Variants in NSD2 observed in about 807,000 individuals in gnomAD.
NSD2 encodes the protein nuclear receptor binding SET domain protein 2.
NSD2 carries 12 observed loss-of-function variants against 139.0 expected under a neutral mutation model. The observed-to-expected ratio is 0.09, with a 90% confidence interval of 0.06 to 0.14. NSD2 has a LOEUF of 0.14. Ranked by LOEUF, NSD2 falls within the 10% of genes least tolerant of loss-of-function variation. NSD2 has a pLI of 1.00. For synonymous variants in NSD2, 669 were observed against 648.7 expected, an observed-to-expected ratio of 1.03 and a Z score of -0.48; for missense variants, 1,155 against 1,745.0, an observed-to-expected ratio of 0.66 and a Z score of 6.02.
chr4:1,926,135 G>A (rs1181905622), intron 5 of NSD2, among the ~76,000 whole-genome samples: 1 of 150,368 alleles, frequency 6.7e-6, no homozygotes, highest in Non-Finnish European at 1.5e-5. Context: ...TCACTAGCAG[G>A]CTTTTTGGGC....
chr4:1,872,584 G>GTA (rs1713888592), intron 1 of NSD2, among the ~76,000 whole-genome samples: 1 of 90,962 alleles, frequency 1.1e-5, no homozygotes, highest in Non-Finnish European at 2.3e-5. Context: ...GTGTGTGTGT[G>GTA]TGTGTGTGAG....
chr4:1,946,679 T>C (rs1229440106), intron 9 of NSD2: 1 of 1,038,940 alleles, frequency 9.6e-7, no homozygotes, highest in African/African-American at 1.7e-5. Context: ...ATGTAGAATG[T>C]TAGAAATTAC....
intron 9 of NSD2, chr4:1,945,681 A>G: frequency 6.6e-6 from 7 of 1,063,438 alleles, no homozygotes; most frequent in Non-Finnish European, 8.0e-6. Context: ...AATGAGGGAA[A>G]AGTCCTTGGC....
At chr4:1,908,839 G>A (rs1399992694) in intron 3 of NSD2, among the ~76,000 whole-genome samples, 1 of 152,052 alleles carries the variant, frequency 6.6e-6, no homozygotes, top group Admixed American at 6.6e-5. Context: ...GAGTACAGTG[G>A]CACAATCATA....
chr4:1,872,768 A>G (rs965908333), intron 1 of NSD2, among the ~76,000 whole-genome samples: 1 of 152,168 alleles, frequency 6.6e-6, no homozygotes, highest in Non-Finnish European at 1.5e-5. Context: ...CGCCAGCATC[A>G]CGCATGGGTT....
Position 1,956,154 on chromosome 4 carries a change from G to C in NSD2, c.2847G>C (p.Gln949His). The change falls in exon 15 of 22, where the codon CAG (glutamine) becomes CAC (histidine). Residue 949 changes from glutamine (Q) to histidine (H), a missense_variant. Around this residue, in one of 8 missense-constraint regions of NSD2, gnomAD observed 139 missense variants for 485.8 expected, o/e 0.29. Coordinates refer to ENST00000508803, the MANE Select transcript of NSD2 (RefSeq NM_001042424.3). This position sits in a 1 kb window ranked among gnomAD's most constrained non-coding sequence, Gnocchi z 5.3. The part of the protein sequence containing the change: ...YMEGDRGSRY[Q>H]GVRGIGRVFK... The stretch of plus-strand genomic sequence containing the variant: ...AGGGGGACCGGGGCAGCCGCTACCA[G>C]GGGGTCAGAGGGATCGGAAGAGTCT... 1 of 1,613,316 alleles carries C rather than the reference G, an allele frequency of 6.2e-7. No individual in the cohort carries two copies. Among genetic ancestry groups the C allele is most frequent in the East Asian group, 2.2e-5 (1 of 44,872 alleles).
At chr4:1,881,161 G>A (rs1027203291) in intron 1 of NSD2, among the ~76,000 whole-genome samples, 1 of 152,008 alleles carries the variant, frequency 6.6e-6, no homozygotes, top group African/African-American at 2.4e-5. Context: ...TTTGAGATAG[G>A]GTCCCTCCCG....
Position 1,896,771 on chromosome 4 carries a change from CT to C in NSD2, c.-29-3847del, listed in dbSNP as rs373798315. ...CTTTCTTTCTTTCCTTCTTTCTTCTCTTTTTTTTCTTTTCTTTTCTTTCTTT... is the reference window on the plus strand; with the variant it reads ...CTTTCTTTCTTTCCTTCTTTCTTCTCTTTTTTTCTTTTCTTTTCTTTCTTT... On this transcript the variant is annotated intron_variant, in intron 1 of 21. Coordinates refer to ENST00000508803, the MANE Select transcript of NSD2 (RefSeq NM_001042424.3). Among the ~76,000 whole-genome samples the C allele has an allele frequency of 5.6e-4, 84 of 149,718 alleles. No homozygotes were observed. The East Asian group carries it at 5.7e-3, about 10-fold the overall frequency.
At position 1,958,582 on chromosome 4, in the gene NSD2, G is replaced by A. The variant is rs768024193; in HGVS notation, c.2985+546G>A. On this transcript the variant is annotated intron_variant, in intron 16 of 21. Coordinates refer to ENST00000508803, the MANE Select transcript of NSD2 (RefSeq NM_001042424.3). This position sits in a 1 kb window ranked among gnomAD's most constrained non-coding sequence, Gnocchi z 4.6. ...GCGCTCAGAGCTGGTGCGGCAAGCC[G>A]CATCCCCAGGAGCCTCGTGGCCGTT... Among the ~76,000 whole-genome samples the A allele has an allele frequency of 3.3e-5, 5 of 152,258 alleles. No individual in the cohort carries two copies. Among genetic ancestry groups the A allele is most frequent in the African/African-American group, 9.6e-5 (4 of 41,468 alleles).
At position 1,958,582 on chromosome 4, in the gene NSD2, G is replaced by C. The variant is rs768024193; in HGVS notation, c.2985+546G>C. On this transcript the variant is annotated intron_variant, in intron 16 of 21. Transcript: ENST00000508803. This position sits in a 1 kb window ranked among gnomAD's most constrained non-coding sequence, Gnocchi z 4.6. ...GCGCTCAGAGCTGGTGCGGCAAGCCGCATCCCCAGGAGCCTCGTGGCCGTT... is the reference window on the plus strand; with the variant it reads ...GCGCTCAGAGCTGGTGCGGCAAGCCCCATCCCCAGGAGCCTCGTGGCCGTT... Among the ~76,000 whole-genome samples, 2 of 152,258 alleles carry C rather than the reference G, an allele frequency of 1.3e-5. No individual in the cohort carries two copies. The highest frequency in any genetic ancestry group is 2.4e-5 in the African/African-American group (1 of 41,468).
In NSD2 at chr4:1,950,213, A is replaced by G. The variant is rs1249594901; in HGVS notation, c.1882-859A>G. Reference sequence around the variant, plus strand: ...ATGTTGCTTGTCAGGTGAGGGTGAAATGCTGTGTATGTGAGGGTGAGGCTG... The same window carrying G: ...ATGTTGCTTGTCAGGTGAGGGTGAAGTGCTGTGTATGTGAGGGTGAGGCTG... On this transcript the variant is annotated intron_variant, in intron 9 of 21. Transcript: ENST00000508803. Among the ~76,000 whole-genome samples, 5 of 152,152 alleles carry G rather than the reference A, an allele frequency of 3.3e-5. No homozygotes were observed. The East Asian group carries it at 7.7e-4, about 23-fold the overall frequency.
At chr4:1,928,560 T>A (rs1403340759) in intron 5 of NSD2, among the ~76,000 whole-genome samples, 1 of 152,192 alleles carries the variant, frequency 6.6e-6, no homozygotes, top group East Asian at 1.9e-4. Context: ...ATGATGACAC[T>A]TTCCTGGCTT....
Position 1,955,462 on chromosome 4 carries a change from C to T in NSD2, c.2518+122C>T. 3.0e-6 allele frequency: 4 copies of T among 1,326,638 alleles called. No homozygotes were observed. In the South Asian group the frequency reaches 4.5e-5, roughly 15 times the overall value. The allele number at this position is 1,326,638 out of a possible 1,614,324, so 82.2% of individuals were successfully genotyped here. On this transcript the variant is annotated intron_variant, in intron 13 of 21. Transcript: ENST00000508803. The surrounding 1 kb of genome is among the most constrained non-coding windows in gnomAD (Gnocchi z 4.7). ...ATGTTGACAGTGTTCTGTGCGTCTT[C>T]ACGTTAATAGTATATCACAGTAGCT...
At chr4:1,893,475 AAAATAAAT>A (rs1175310705) in intron 1 of NSD2, among the ~76,000 whole-genome samples, 5 of 152,240 alleles carry the variant, frequency 3.3e-5, no homozygotes, top group Non-Finnish European at 7.3e-5. Context: ...TTTCAATAAA[AAAATAAAT>A]AAATAAACTC....
chr4:1,884,315 C>A (rs1257915585), intron 1 of NSD2, among the ~76,000 whole-genome samples: 1 of 152,036 alleles, frequency 6.6e-6, no homozygotes. Context: ...AGGCTGGTCT[C>A]GAACTGCTGA....
Position 1,947,264 on chromosome 4 carries a change from G to A in NSD2, c.1882-3808G>A, listed in dbSNP as rs1057409625. Reference sequence around the variant, plus strand: ...TAGATTCATTTTACCTTTGACAAGGGCAGGCCTTGAATTGGGAGCAGCAGC... The same window carrying A: ...TAGATTCATTTTACCTTTGACAAGGACAGGCCTTGAATTGGGAGCAGCAGC... On this transcript the variant is annotated intron_variant, in intron 9 of 21. Coordinates refer to ENST00000508803, the MANE Select transcript of NSD2 (RefSeq NM_001042424.3). The A allele has an allele frequency of 8.5e-6, 9 of 1,063,242 alleles. No individual in the cohort carries two copies. In the South Asian group the frequency reaches 1.4e-4, roughly 16 times the overall value. 65.9% of individuals were successfully genotyped at this position (1,063,242 alleles called of 1,614,324 possible).
chr4:1,977,234 G>C (rs1370135081), intron 21 of NSD2, among the ~76,000 whole-genome samples: 1 of 152,224 alleles, frequency 6.6e-6, no homozygotes, highest in East Asian at 1.9e-4. Context: ...AGTAGAGTGG[G>C]CTCCACCTTC....
chr4:1,918,950 C>A, intron 5 of NSD2: 1 of 215,996 alleles, frequency 4.6e-6, no homozygotes, highest in South Asian at 7.8e-5. Context: ...GAGTTTGAGA[C>A]CAGCCTGGGC....
chr4:1,979,170 G>A lies in NSD2; in HGVS notation c.*261G>A. Reference sequence around the variant, plus strand: ...ACTCCTCAGCGTTACCGCCACACTTGAATTTCTCCGAATGTCAAGGTTCCC... The same window carrying A: ...ACTCCTCAGCGTTACCGCCACACTTAAATTTCTCCGAATGTCAAGGTTCCC... On this transcript the variant is annotated 3_prime_UTR_variant, in exon 22 of 22. Coordinates refer to ENST00000508803, the MANE Select transcript of NSD2 (RefSeq NM_001042424.3). 1 of 391,724 alleles carries A rather than the reference G, an allele frequency of 2.6e-6. No individual in the cohort carries two copies. The highest frequency in any genetic ancestry group is 4.5e-6 in the Non-Finnish European group (1 of 222,656). The allele number at this position is 391,724 out of a possible 1,614,324, so 24.3% of individuals were successfully genotyped here. A position where few individuals can be genotyped will look rare whatever the true frequency, so the allele number is the denominator to read the frequency against.
Sources: gnomAD v4.1 joint callset for allele counts (sites outside exome capture counted in the v4.1 genomes callset) on GRCh38, gnomAD v4.1.1 for gene constraint, gnomAD v4.1.1 regional missense constraint, Gnocchi (gnomAD v3.1) non-coding constraint, MANE v1.5 for transcripts, NCBI Gene and HGNC (gene_info 2026-07-23, HGNC 2026-07-21) for gene names.